The following ATP6V0A2 variants were observed in gnomAD, a reference collection of about 807,000 sequenced individuals.
ATP6V0A2 encodes V-type proton ATPase 116 kDa subunit a 2.
ATP6V0A2 carries 58 observed loss-of-function variants against 104.4 expected under a neutral mutation model. The ratio of observed to expected loss-of-function variants is 0.56; its 90% CI spans 0.45 to 0.69. The LOEUF is 0.69. ATP6V0A2 is among the 30% of genes least tolerant of loss of function. ATP6V0A2 has a pLI of 0.00. For missense variants in ATP6V0A2, 938 were observed against 1,062.9 expected, an observed-to-expected ratio of 0.88 and a Z score of 1.63; for synonymous variants, 376 against 397.9, an observed-to-expected ratio of 0.95 and a Z score of 0.65.
chr12:123,757,676 T>G (rs1161728466), intron 19 of ATP6V0A2, among the ~76,000 whole-genome samples: 2 of 152,192 alleles, frequency 1.3e-5, no homozygotes, highest in African/African-American at 2.4e-5. Flanking sequence ...TCTCGTTACT[T>G]GTGCACGTGC....
chr12:123,740,737 G>A (rs1310562144), intron 9 of ATP6V0A2, among the ~76,000 whole-genome samples: 5 of 152,034 alleles, frequency 3.3e-5, no homozygotes, highest in South Asian at 4.2e-4. Flanking sequence ...TTTGTCTTTC[G>A]TTACTTCTTT....
rs187963291 is a variant in ATP6V0A2, at chr12:123,745,089, G to A, written c.1605+117G>A. 66 of 1,028,456 alleles carry A rather than the reference G, an allele frequency of 6.4e-5. No homozygotes were observed. In the East Asian group the frequency reaches 1.0e-3, roughly 16 times the overall value. 63.7% of individuals were successfully genotyped at this position (1,028,456 alleles called of 1,614,324 possible). A position where few individuals can be genotyped will look rare whatever the true frequency, so the allele number is the denominator to read the frequency against. On this transcript the variant is annotated intron_variant, in intron 13 of 19. Coordinates refer to ENST00000330342, the MANE Select transcript of ATP6V0A2 (RefSeq NM_012463.4). ...GTTCACGCTGCCCTGAGCGGGAGGT[G>A]CTCATTAGCCCCTGTGCATCCCAGT...
At chr12:123,715,166 C>G (rs1275850000) in intron 1 of ATP6V0A2, among the ~76,000 whole-genome samples, 1 of 152,174 alleles carries the variant, frequency 6.6e-6, no homozygotes, top group Non-Finnish European at 1.5e-5. Context: ...AAATTTACCT[C>G]TTTATAAATA....
chr12:123,748,463 AATG>A, intron 14 of ATP6V0A2, 109 bp from the exon 15 acceptor site: 4 of 835,524 alleles, frequency 4.8e-6, no homozygotes, highest in Non-Finnish European at 8.3e-6. Context: ...TCATATGAGA[AATG>A]ATGTTATTCT....
At chr12:123,727,444 AATTTTT>A (rs1956459073) in intron 5 of ATP6V0A2, among the ~76,000 whole-genome samples, 1 of 151,956 alleles carries the variant, frequency 6.6e-6, no homozygotes, top group East Asian at 1.9e-4. Flanking sequence ...ACGCCTGGCT[AATTTTT>A]GTATTTTTAG....
Position 123,759,612 on chromosome 12 carries a change from C to CTTTA in ATP6V0A2, c.*1580_*1581insTTTA, listed in dbSNP as rs1956791842. On this transcript the variant is annotated 3_prime_UTR_variant, in exon 20 of 20. Coordinates refer to ENST00000330342, the MANE Select transcript of ATP6V0A2 (RefSeq NM_012463.4). The stretch of plus-strand genomic sequence containing the variant: ...CCTTCTTGACATTGTGAGTGATACA[C>CTTTA]GTTAAAAGGCTATTTGCCCGCATCC... 6.6e-6 allele frequency: 1 copy of CTTTA among 152,118 alleles called. No individual in the cohort carries two copies. The highest frequency in any genetic ancestry group is 6.5e-5 in the Admixed American group (1 of 15,276). 9.4% of individuals were successfully genotyped at this position (152,118 alleles called of 1,614,324 possible).
In ATP6V0A2 at chr12:123,724,800, C is replaced by T. The variant is rs773435544; in HGVS notation, c.432+9C>T. The T allele has an allele frequency of 6.2e-7, 1 of 1,612,962 alleles. No homozygotes were observed. On this transcript the variant is annotated intron_variant, in intron 4 of 19. Transcript: ENST00000330342. ...TGAAACGCAATGTTGAGGTACTGAA[C>T]AGCTCGTGAGGAAATACAGCTGTTT...
At chr12:123,741,123 C>T (rs1055337247) in intron 9 of ATP6V0A2, among the ~76,000 whole-genome samples, 1 of 152,086 alleles carries the variant, frequency 6.6e-6, no homozygotes, top group African/African-American at 2.4e-5. Context: ...TCCTCTTGCT[C>T]ACTTTTAAAT....
rs1555298476 is a variant in ATP6V0A2 at position 123,744,671 on chromosome 12, C to G, written c.1401C>G (p.Ile467Met). The stretch of plus-strand genomic sequence containing the variant: ...TGTTCTCAGTGTACACTGGCCTCAT[C>G]TACAACGACTGCTTTTCAAAGTCAG... ...MGLFSVYTGLIYNDCFSKSVN... is the reference protein window; with the variant it reads ...MGLFSVYTGLMYNDCFSKSVN... Residue 467 changes from isoleucine to methionine, a missense_variant, in exon 12 of 20, where the codon ATC (isoleucine) becomes ATG (methionine). Coordinates refer to ENST00000330342, the MANE Select transcript of ATP6V0A2 (RefSeq NM_012463.4). The surrounding 1 kb of genome is among the most constrained non-coding windows in gnomAD (Gnocchi z 5.4). The G allele has an allele frequency of 3.7e-6, 6 of 1,613,968 alleles. No individual in the cohort carries two copies. The highest frequency in any genetic ancestry group is 5.1e-6 in the Non-Finnish European group (6 of 1,180,056).
At chr12:123,741,641 T>A (rs1002450518) in intron 9 of ATP6V0A2, among the ~76,000 whole-genome samples, 4 of 152,094 alleles carry the variant, frequency 2.6e-5, no homozygotes, top group African/African-American at 9.7e-5. Context: ...ATTTATATTT[T>A]TTTGTAGAGA....
At chr12:123,749,622 G>A (rs1593916080) in intron 15 of ATP6V0A2, among the ~76,000 whole-genome samples, 1 of 152,228 alleles carries the variant, frequency 6.6e-6, no homozygotes, top group South Asian at 2.1e-4. Context: ...GCGTACGAAC[G>A]TGCTTGCACA....
intron 3 of ATP6V0A2, 30 bp downstream of exon 3, chr12:123,722,478 G>A: frequency 1.5e-6 from 2 of 1,339,596 alleles, no homozygotes; most frequent in Non-Finnish European, 2.2e-6. Context: ...GCTGGTTGCA[G>A]CCATTGATCT....
chr12:123,715,148 T>G (rs1022324317), intron 1 of ATP6V0A2, among the ~76,000 whole-genome samples: 1 of 152,240 alleles, frequency 6.6e-6, no homozygotes, highest in African/African-American at 2.4e-5. Flanking sequence ...TTTGTATTAT[T>G]GCCACAGAAA....
intron 4 of ATP6V0A2, among the ~76,000 whole-genome samples, chr12:123,725,764 C>T (rs1160475340): frequency 6.8e-6 from 1 of 147,086 alleles, no homozygotes; most frequent in Non-Finnish European, 1.5e-5. Context: ...CCAGCCTGGG[C>T]GACAGAGTGA....
At chr12:123,740,914 T>C (rs929890701) in intron 9 of ATP6V0A2, among the ~76,000 whole-genome samples, 1 of 152,180 alleles carries the variant, frequency 6.6e-6, no homozygotes, top group African/African-American at 2.4e-5. Context: ...TCTGAGTCTT[T>C]TAAAATCTGA....
At chr12:123,752,188 GAATCATTA>G in intron 16 of ATP6V0A2, 87 bp from the exon 17 acceptor site, 1 of 1,535,792 alleles carries the variant, frequency 6.5e-7, no homozygotes, top group Non-Finnish European at 9.0e-7. Flanking sequence ...TCAAAGAGCT[GAATCATTA>G]AGAGAAACAA....
At chr12:123,737,812 G>A (rs1956570603) in intron 9 of ATP6V0A2, 1 of 161,020 alleles carries the variant, frequency 6.2e-6, no homozygotes, top group African/African-American at 2.4e-5. Context: ...GATAGGAGTA[G>A]ATATTATTTT....
At chr12:123,746,790 T>G (rs894522961) in intron 13 of ATP6V0A2, among the ~76,000 whole-genome samples, 1 of 151,124 alleles carries the variant, frequency 6.6e-6, no homozygotes, top group Non-Finnish European at 1.5e-5. Context: ...CTACTAAAAA[T>G]ACAAAAATCA....
chr12:123,715,792 A>G (rs1384949543), intron 1 of ATP6V0A2, among the ~76,000 whole-genome samples: 1 of 152,228 alleles, frequency 6.6e-6, no homozygotes, highest in African/African-American at 2.4e-5. Flanking sequence ...GTCCATATAT[A>G]TGTATTTTTA....
Sources: gnomAD v4.1 joint callset for allele counts (sites outside exome capture counted in the v4.1 genomes callset) on GRCh38, gnomAD v4.1.1 for gene constraint, Gnocchi (gnomAD v3.1) non-coding constraint, MANE v1.5 for transcripts, NCBI Gene and HGNC (gene_info 2026-07-23, HGNC 2026-07-21) for gene names.